The following CCNC variants were observed in gnomAD, a reference collection of about 807,000 sequenced individuals.
CCNC encodes cyclin-C.
In CCNC, 19 loss-of-function variants were observed where a neutral mutation model predicts 50.0. That is an observed-to-expected ratio of 0.38 (90% CI 0.27 to 0.56). The LOEUF is 0.56. Among genes scored for constraint, CCNC ranks in the 20% least tolerant of loss-of-function variants. The probability of loss-of-function intolerance (pLI) is 0.72; values close to 1 mark genes in which losing one functional copy is unlikely to be tolerated. For synonymous variants in CCNC, 93 were observed against 103.7 expected (o/e 0.90, Z 0.63); for missense variants, 200 against 327.1 (o/e 0.61, Z 3.00).
intron 9 of CCNC, chr6:99,549,290 A>C (rs2894871): frequency 0.083 from 12,521 of 151,716 alleles, 74 homozygotes; most frequent in Middle Eastern, 0.11. Context: ...AATGGTTTCA[A>C]AAAAAAAAAA....
rs1047873357 is a variant in CCNC at position 99,546,493 on chromosome 6, A to G, written c.599-19T>C. On this transcript the variant is annotated intron_variant, in intron 9 of 11. Transcript: ENST00000520429. The stretch of plus-strand genomic sequence containing the variant: ...AGGCAAGCTGAAATGAAAATGAGAG[A>G]CAACTGTCCATGTTTAACTGCAAAC... 45 of 1,512,104 alleles carry G rather than the reference A, an allele frequency of 3.0e-5. No individual in the cohort carries two copies. The East Asian group carries it at 1.0e-3, about 34-fold the overall frequency. 93.7% of individuals were successfully genotyped at this position (1,512,104 alleles called of 1,614,324 possible).
chr6:99,566,709 A>G (rs1005777692), intron 1 of CCNC, among the ~76,000 whole-genome samples: 7 of 152,196 alleles, frequency 4.6e-5, no homozygotes, highest in South Asian at 2.1e-4. Context: ...TATGGAGAAT[A>G]AACTAAAAAA....
At position 99,544,421 on chromosome 6, in the gene CCNC, A is replaced by G. The variant is rs146851167; in HGVS notation, c.797+691T>C. On this transcript the variant is annotated intron_variant, in intron 11 of 11. Coordinates refer to ENST00000520429, the MANE Select transcript of CCNC (RefSeq NM_005190.4). ...TGTTATATAACAATCATTTTTCTAA[A>G]GAAACAATTAAGATGGATGGCATTT... 2.6e-5 allele frequency: 19 copies of G among 718,536 alleles called. No individual in the cohort carries two copies. The Middle Eastern group carries it at 1.2e-3, about 44-fold the overall frequency. The allele number at this position is 718,536 out of a possible 1,614,324, so 44.5% of individuals were successfully genotyped here. A position where few individuals can be genotyped will look rare whatever the true frequency, so the allele number is the denominator to read the frequency against.
In CCNC at chr6:99,550,326, A is replaced by C. The variant is rs746580771; in HGVS notation, c.439-17T>G. 1 of 1,552,188 alleles carries C rather than the reference A, an allele frequency of 6.4e-7. No individual in the cohort carries two copies. The highest frequency in any genetic ancestry group is 8.8e-7 in the Non-Finnish European group (1 of 1,132,120). On this transcript the variant is annotated splice_polypyrimidine_tract_variant and intron_variant, in intron 7 of 11. Transcript: ENST00000520429. The stretch of plus-strand genomic sequence containing the variant: ...GCAACAATCCTAGAAACAGTTTAAA[A>C]AATGTGTATGTATAAAAAACAGATT...
chr6:99,546,090 C>T (rs772383788), intron 10 of CCNC, among the ~76,000 whole-genome samples: 59 of 152,038 alleles, frequency 3.9e-4, no homozygotes, highest in Admixed American at 8.5e-4. Context: ...CTCAGCCTCC[C>T]GAGTAGCTGG....
rs1004448192 is a variant in CCNC, at chr6:99,549,579, T to C, written c.531-4A>G. Reference sequence around the variant, plus strand: ...GTAGGTATCATTCACTATCCTCCTATAGAAATGTAAATCATATTATTACTG... The same window carrying C: ...GTAGGTATCATTCACTATCCTCCTACAGAAATGTAAATCATATTATTACTG... On this transcript the variant is annotated splice_polypyrimidine_tract_variant and splice_region_variant and intron_variant, in intron 8 of 11. Coordinates refer to ENST00000520429, the MANE Select transcript of CCNC (RefSeq NM_005190.4). 2 of 1,570,540 alleles carry C rather than the reference T, an allele frequency of 1.3e-6. No homozygotes were observed. The highest frequency in any genetic ancestry group is 1.4e-5 in the African/African-American group (1 of 74,018).
Position 99,568,617 on chromosome 6 carries a change from C to G in CCNC, c.-90G>C. On this transcript the variant is annotated 5_prime_UTR_variant, in exon 1 of 12. Transcript: ENST00000520429. ...CCCAGCCCGTCCGGTAACCGCGCTC[C>G]TCGATCAAATCAGCTCGGCTCGACT... is the stretch of plus-strand genomic sequence containing the variant. 6.4e-7 allele frequency: 1 copy of G among 1,565,240 alleles called. No individual in the cohort carries two copies. The highest frequency in any genetic ancestry group is 8.6e-7 in the Non-Finnish European group (1 of 1,156,682).
chr6:99,558,062 C>T (rs1802614970), intron 5 of CCNC: 1 of 176,230 alleles, frequency 5.7e-6, no homozygotes, highest in Admixed American at 6.2e-5. Flanking sequence ...CTAAGCAAGG[C>T]ACTGTTCTAA....
chr6:99,568,523 G>C lies in CCNC; in HGVS notation c.5C>G (p.Ala2Gly). M[A>G]GNFWQSSHYL... Reference sequence around the variant, plus strand: ...GTGGGAGCTCTGCCAAAAGTTCCCTGCCATGGAACACAGCTTGCCCTGATA... The same window carrying C: ...GTGGGAGCTCTGCCAAAAGTTCCCTCCCATGGAACACAGCTTGCCCTGATA... Residue 2 changes from alanine (A) to glycine (G), a missense_variant, in exon 1 of 12, where the codon GCA becomes GGA. Physicochemically the swap from Ala to Gly is moderately conservative, Grantham distance 60 (BLOSUM62 0). Coordinates refer to ENST00000520429, the MANE Select transcript of CCNC (RefSeq NM_005190.4). 1 of 1,612,718 alleles carries C rather than the reference G, an allele frequency of 6.2e-7. No homozygotes were observed. Among genetic ancestry groups the C allele is most frequent in the Non-Finnish European group, 8.5e-7 (1 of 1,179,366 alleles).
In CCNC at chr6:99,559,720, C is replaced by CT. The variant is rs35825182; in HGVS notation, c.295-1173dup. Among the ~76,000 whole-genome samples, 517 of 128,604 alleles carry CT rather than the reference C, an allele frequency of 4.0e-3. 2 individuals carry two copies. Among genetic ancestry groups the CT allele is most frequent in the African/African-American group, 8.1e-3 (280 of 34,414 alleles). 84.4% of individuals were successfully genotyped at this position (128,604 alleles called of 152,430 possible). A position where few individuals can be genotyped will look rare whatever the true frequency, so the allele number is the denominator to read the frequency against. On this transcript the variant is annotated intron_variant, in intron 4 of 11. Transcript: ENST00000520429. ...TACATTCTCTTTCTCAGGAATAATT[C>CT]TTTTTTTTTTTTTTTTTGAGATGCA...
intron 1 of CCNC, 186 bp downstream of exon 1, chr6:99,568,310 C>G: frequency 1.2e-5 from 7 of 599,658 alleles, no homozygotes; most frequent in Non-Finnish European, 2.1e-5. Context: ...CTCCCCGAAA[C>G]TGGGGCTGGG....
intron 2 of CCNC, 142 bp from the exon 3 acceptor site, chr6:99,561,823 C>A (rs183160984): frequency 4.5e-4 from 245 of 547,060 alleles, no homozygotes; most frequent in African/African-American, 4.4e-3. Flanking sequence ...CTATGTGAGT[C>A]ACAGTGGTCT....
At chr6:99,543,858 A>G (rs1303276781) in intron 11 of CCNC, 2 of 1,321,086 alleles carry the variant, frequency 1.5e-6, no homozygotes, top group East Asian at 2.9e-5. Flanking sequence ...GTCCATATAT[A>G]CTCAAAAACT....
chr6:99,566,909 G>A (rs1427772020), intron 1 of CCNC: 2 of 449,890 alleles, frequency 4.4e-6, no homozygotes, highest in Non-Finnish European at 8.9e-6. Flanking sequence ...TAAGACAATG[G>A]CCTTTCATAA....
rs1769033947 is a variant in CCNC, at chr6:99,564,513, T to C, written c.33-1565A>G. On this transcript the variant is annotated intron_variant, in intron 1 of 11. Transcript: ENST00000520429. ...GGCAAAGTAGTATGTCACTGTTTCT[T>C]TTCCCTGTAGTTTACTTTTGAGGTT... 2.0e-5 allele frequency among the ~76,000 whole-genome samples: 3 copies of C among 152,318 alleles called. No homozygotes were observed. In the South Asian group the frequency reaches 6.2e-4, roughly 32 times the overall value.
intron 11 of CCNC, among the ~76,000 whole-genome samples, chr6:99,544,881 G>A (rs1347636423): frequency 6.6e-6 from 1 of 151,880 alleles, no homozygotes; most frequent in Non-Finnish European, 1.5e-5. Context: ...CATATGTTGA[G>A]AGATACCTGT....
At chr6:99,562,812 C>T (rs1414476628) in intron 2 of CCNC, 30 bp downstream of exon 2, 2 of 1,288,298 alleles carry the variant, frequency 1.6e-6, no homozygotes, top group East Asian at 4.7e-5. Context: ...ACCAACTATA[C>T]AATTTGAACC....
intron 10 of CCNC, among the ~76,000 whole-genome samples, chr6:99,546,132 AT>A (rs1802060751): frequency 6.6e-6 from 1 of 152,096 alleles, no homozygotes; most frequent in South Asian, 2.1e-4. Context: ...CACCCAGCTA[AT>A]TTTTGTATTT....
At chr6:99,555,495 T>A (rs1262755944) in intron 5 of CCNC, among the ~76,000 whole-genome samples, 2 of 152,032 alleles carry the variant, frequency 1.3e-5, no homozygotes, top group Non-Finnish European at 2.9e-5. Flanking sequence ...TGGAGTGCAG[T>A]GGCATAATCA....
Sources: allele counts gnomAD v4.1 joint callset (sites outside exome capture counted in the v4.1 genomes callset), GRCh38; gene constraint gnomAD v4.1.1; transcripts MANE v1.5; gene names NCBI Gene and HGNC (gene_info 2026-07-23, HGNC 2026-07-21).